AK8: variants seen among roughly 807,000 people sequenced by gnomAD.
AK8 encodes adenylate kinase 8, also known as ATP-AMP transphosphorylase 8.
In AK8, 44 loss-of-function variants were observed where a neutral mutation model predicts 54.6. The observed-to-expected ratio is 0.81, with a 90% CI of 0.63 to 1.04. The LOEUF is 1.04. Among genes scored for constraint, AK8 ranks in the 50% least tolerant of loss-of-function variants. The probability of loss-of-function intolerance (pLI) is 0.00; values close to 1 mark genes in which losing one functional copy is unlikely to be tolerated. For synonymous variants in AK8, 239 were observed against 245.6 expected, an observed-to-expected ratio of 0.97 and a Z score of 0.25; for missense variants, 555 against 613.6, an observed-to-expected ratio of 0.90 and a Z score of 1.01.
rs774039223 is a variant in AK8 at position 132,826,930 on chromosome 9, G to A, written c.681C>T (p.Val227=). ...QKLLEYHRNI[V]RVIPSYPKIL... ...TTTTGGGGTAGGAGGGAATGACCCTGACGATGTTCCTATGATACTCCAGCA... is the reference window on the plus strand; with the variant it reads ...TTTTGGGGTAGGAGGGAATGACCCTAACGATGTTCCTATGATACTCCAGCA... Residue 227 remains valine, a synonymous_variant, in exon 8 of 13, where the codon GTC becomes GTT. Coordinates refer to ENST00000298545, the MANE Select transcript of AK8 (RefSeq NM_152572.3). The surrounding 1 kb of genome is among the most constrained non-coding windows in gnomAD (Gnocchi z 4.5). 1.2e-6 allele frequency: 2 copies of A among 1,614,226 alleles called. No individual in the cohort carries two copies. The highest frequency in any genetic ancestry group is 1.3e-5 in the African/African-American group (1 of 75,060).
rs1011251065 is a variant in AK8 at position 132,790,320 on chromosome 9, A to G, written c.1121+2314T>C. ...GGCTGGAGCGCAGTGGCGTGATCTC[A>G]GCTCACTGCAAACTCCGCCTCCTGG... On this transcript the variant is annotated intron_variant, in intron 11 of 12. Coordinates refer to ENST00000298545, the MANE Select transcript of AK8 (RefSeq NM_152572.3). This position sits in a 1 kb window ranked among gnomAD's most constrained non-coding sequence, Gnocchi z 4.1. Among the ~76,000 whole-genome samples, 5 of 151,636 alleles carry G rather than the reference A, an allele frequency of 3.3e-5. 1 individual carries two copies. Among genetic ancestry groups the G allele is most frequent in the African/African-American group, 2.4e-5 (1 of 41,258 alleles).
intron 2 of AK8, among the ~76,000 whole-genome samples, chr9:132,874,872 TAA>T (rs1844018935): frequency 6.6e-6 from 1 of 152,186 alleles, no homozygotes; most frequent in African/African-American, 2.4e-5. Flanking sequence ...AGAATTTTTA[TAA>T]GTTGTGCTCC....
At chr9:132,868,260 C>G (rs1307577560) in intron 2 of AK8, among the ~76,000 whole-genome samples, 1 of 151,670 alleles carries the variant, frequency 6.6e-6, no homozygotes, top group Non-Finnish European at 1.5e-5. Context: ...TCCTTTTGGC[C>G]AGCAATGTAA....
intron 3 of AK8, 27 bp from the exon 4 acceptor site, chr9:132,863,805 A>G (rs2131412447): frequency 2.0e-6 from 3 of 1,527,820 alleles, no homozygotes; most frequent in South Asian, 1.1e-5. Flanking sequence ...AGAAAAGGGC[A>G]TTTTCATAAA....
intron 5 of AK8, among the ~76,000 whole-genome samples, chr9:132,833,929 C>T (rs953476470): frequency 1.1e-4 from 16 of 152,348 alleles, no homozygotes; most frequent in Admixed American, 7.2e-4. Context: ...GTTGCCTTTC[C>T]GCTCCTCCCC....
chr9:132,754,056 G>A (rs1485213993), intron 11 of AK8, among the ~76,000 whole-genome samples: 1 of 152,182 alleles, frequency 6.6e-6, no homozygotes, highest in Non-Finnish European at 1.5e-5. Context: ...AGGACCCACT[G>A]CAGGGTGACT....
At chr9:132,834,635 C>CT (rs1842242819) in intron 5 of AK8, among the ~76,000 whole-genome samples, 2 of 152,188 alleles carry the variant, frequency 1.3e-5, no homozygotes, top group South Asian at 4.1e-4. Context: ...TTTGCCTGAC[C>CT]TTTTTCTGGG....
At chr9:132,823,988 C>T (rs895592737) in intron 8 of AK8, among the ~76,000 whole-genome samples, 7 of 152,178 alleles carry the variant, frequency 4.6e-5, no homozygotes, top group African/African-American at 1.4e-4. Flanking sequence ...AGCTGCATGG[C>T]CCTGGCCTGT....
chr9:132,868,607 G>A (rs546160520), intron 2 of AK8, among the ~76,000 whole-genome samples: 1 of 152,284 alleles, frequency 6.6e-6, no homozygotes, highest in South Asian at 2.1e-4. Context: ...GTTGGTGAAT[G>A]TCAGCCCACT....
intron 11 of AK8, among the ~76,000 whole-genome samples, chr9:132,743,205 C>T (rs949990997): frequency 6.6e-6 from 1 of 152,256 alleles, no homozygotes; most frequent in Admixed American, 6.5e-5. Context: ...AGATGCTCTG[C>T]CATGGGGGCC....
At chr9:132,872,035 C>A (rs143193341) in intron 2 of AK8, among the ~76,000 whole-genome samples, 1 of 152,220 alleles carries the variant, frequency 6.6e-6, no homozygotes, top group East Asian at 1.9e-4. Context: ...CTTGAAGTAG[C>A]GGTTTAAGAA....
In AK8 at chr9:132,837,734, C is replaced by T. The variant is rs111275831; in HGVS notation, c.403-9008G>A. 1.3e-5 allele frequency among the ~76,000 whole-genome samples: 2 copies of T among 152,312 alleles called. No individual in the cohort carries two copies. Among genetic ancestry groups the T allele is most frequent in the African/African-American group, 4.8e-5 (2 of 41,574 alleles). On this transcript the variant is annotated intron_variant, in intron 5 of 12. Transcript: ENST00000298545. The surrounding 1 kb of genome is among the most constrained non-coding windows in gnomAD (Gnocchi z 4.3). ...ACGTGCCCTTAAGAAGCCCATATCA[C>T]ACCAACCAACCAACCACGCCTCAGC... is the stretch of plus-strand genomic sequence containing the variant.
intron 9 of AK8, 28 bp downstream of exon 9, chr9:132,823,177 T>C (rs1431457318): frequency 6.6e-7 from 1 of 1,515,556 alleles, no homozygotes; most frequent in Admixed American, 2.2e-5. Context: ...CTCTCGAAGC[T>C]GGGCAGCCCA....
At chr9:132,762,740 C>T (rs964389524) in intron 11 of AK8, among the ~76,000 whole-genome samples, 4 of 152,120 alleles carry the variant, frequency 2.6e-5, no homozygotes, top group Non-Finnish European at 4.4e-5. Context: ...CCTGTCTCTA[C>T]TAAAAATACA....
At chr9:132,729,643 C>T (rs1836740927) in intron 11 of AK8, among the ~76,000 whole-genome samples, 1 of 152,176 alleles carries the variant, frequency 6.6e-6, no homozygotes, top group African/African-American at 2.4e-5. Context: ...GCAGGAAGTT[C>T]CAGTGTTTGC....
chr9:132,861,182 G>T (rs1843373129), intron 4 of AK8, among the ~76,000 whole-genome samples: 2 of 152,244 alleles, frequency 1.3e-5, no homozygotes, highest in Non-Finnish European at 2.9e-5. Context: ...CGTGGGCTTT[G>T]TGACACTGCC....
intron 11 of AK8, among the ~76,000 whole-genome samples, chr9:132,775,984 C>T (rs924499820): frequency 2.0e-5 from 3 of 152,318 alleles, no homozygotes; most frequent in Admixed American, 2.0e-4. Context: ...GACAACACAC[C>T]TAGCAACAGG....
chr9:132,752,803 A>G (rs1838004879), intron 11 of AK8, among the ~76,000 whole-genome samples: 1 of 147,810 alleles, frequency 6.8e-6, no homozygotes, highest in South Asian at 2.1e-4. Flanking sequence ...AGCTTAAACC[A>G]GCCCTCCTCA....
At chr9:132,774,260 A>G (rs894468253) in intron 11 of AK8, among the ~76,000 whole-genome samples, 2 of 151,970 alleles carry the variant, frequency 1.3e-5, no homozygotes, top group Non-Finnish European at 2.9e-5. Flanking sequence ...CCTCCTGCTC[A>G]TGGGGGGGTT....
Sources: gnomAD v4.1 joint callset for allele counts (sites outside exome capture counted in the v4.1 genomes callset) on GRCh38, gnomAD v4.1.1 for gene constraint, Gnocchi (gnomAD v3.1) non-coding constraint, MANE v1.5 for transcripts, NCBI Gene and HGNC (gene_info 2026-07-23, HGNC 2026-07-21) for gene names.